The following ZYG11B variants were observed in gnomAD, a reference collection of about 807,000 sequenced individuals.
ZYG11B encodes protein zyg-11 homolog B.
ZYG11B carries 36 observed loss-of-function variants against 82.4 expected under a neutral mutation model. The observed-to-expected ratio is 0.44, with a 90% CI of 0.33 to 0.58. The LOEUF (loss-of-function observed/expected upper bound fraction) is 0.58, where lower values mean the gene tolerates loss of function less well. ZYG11B is among the 20% of genes least tolerant of loss of function. ZYG11B has a pLI of 0.02. For synonymous variants in ZYG11B, 303 were observed against 312.8 expected, an observed-to-expected ratio of 0.97 and a Z score of 0.33; for missense variants, 552 against 895.6, an observed-to-expected ratio of 0.62 and a Z score of 4.90.
At chr1:52,757,247 A>C (rs1644586314) in intron 2 of ZYG11B, among the ~76,000 whole-genome samples, 2 of 151,996 alleles carry the variant, frequency 1.3e-5, no homozygotes, top group South Asian at 4.1e-4. Flanking sequence ...TCCTTTCCTC[A>C]AGCAATCTTC....
chr1:52,750,485 T>C (rs1435804075), intron 1 of ZYG11B, among the ~76,000 whole-genome samples: 1 of 151,940 alleles, frequency 6.6e-6, no homozygotes, highest in Non-Finnish European at 1.5e-5. Context: ...GTTGGTCAGG[T>C]TGATCTTGAA....
At position 52,784,920 on chromosome 1, in the gene ZYG11B, T is replaced by C; in HGVS notation, c.1136T>C (p.Val379Ala). The C allele has an allele frequency of 6.2e-7, 1 of 1,614,076 alleles. No homozygotes were observed. Among genetic ancestry groups the C allele is most frequent in the Non-Finnish European group, 8.5e-7 (1 of 1,180,002 alleles). ...GMRNHPMNLP[V>A]QLAASACVFN... ...AGAAACCACCCTATGAATTTGCCAGTGCAACTGGCTGCAAGCGCCTGTGTA... is the reference window on the plus strand; with the variant it reads ...AGAAACCACCCTATGAATTTGCCAGCGCAACTGGCTGCAAGCGCCTGTGTA... The change falls in exon 5 of 14, where the codon GTG becomes GCG. Residue 379 changes from valine (V) to alanine (A), a missense_variant. Physicochemically the swap from Val to Ala is moderately conservative, Grantham distance 64. Coordinates refer to ENST00000294353, the MANE Select transcript of ZYG11B (RefSeq NM_024646.3).
intron 2 of ZYG11B, among the ~76,000 whole-genome samples, chr1:52,762,139 C>A (rs1644637336): frequency 6.6e-6 from 1 of 151,450 alleles, no homozygotes; most frequent in African/African-American, 2.4e-5. Flanking sequence ...TTGATTGTTT[C>A]CTTTGCTGTG....
intron 3 of ZYG11B, chr1:52,772,747 G>A (rs1644766071): frequency 4.8e-6 from 3 of 621,328 alleles, no homozygotes; most frequent in Non-Finnish European, 8.7e-6. Context: ...GCGCTATCTT[G>A]GCTCACTGCA....
At chr1:52,743,536 A>G (rs1644451960) in intron 1 of ZYG11B, among the ~76,000 whole-genome samples, 1 of 152,068 alleles carries the variant, frequency 6.6e-6, no homozygotes, top group South Asian at 2.1e-4. Context: ...ACATAGCAAG[A>G]CCTTGTCTTT....
chr1:52,772,129 T>G (rs1644757869), intron 3 of ZYG11B: 2 of 1,056,204 alleles, frequency 1.9e-6, no homozygotes, highest in East Asian at 2.4e-5. Context: ...ATATGGTTTT[T>G]TTGTTTTTGT....
In ZYG11B at chr1:52,816,630, G is replaced by GT. The variant is rs1558144835; in HGVS notation, c.2044+2dup. ...ATGCAACATGTCTGCAGCAAGAATC[G>GT]TATGTACCAAAAAAAAAGAACTGTG... On this transcript the variant is annotated splice_donor_variant, in intron 13 of 13. Transcript: ENST00000294353. LOFTEE classifies it high-confidence loss of function. 1 of 1,588,002 alleles carries GT rather than the reference G, an allele frequency of 6.3e-7. No homozygotes were observed. The highest frequency in any genetic ancestry group is 1.4e-5 in the African/African-American group (1 of 73,448).
At chr1:52,819,786 A>G (rs1167196743) in intron 13 of ZYG11B, among the ~76,000 whole-genome samples, 11 of 143,600 alleles carry the variant, frequency 7.7e-5, no homozygotes, top group Admixed American at 4.2e-4. Flanking sequence ...ACTCTGTCTG[A>G]AAAAAAAATA....
At chr1:52,777,799 G>T (rs1644821961) in intron 3 of ZYG11B, among the ~76,000 whole-genome samples, 1 of 151,982 alleles carries the variant, frequency 6.6e-6, no homozygotes, top group Non-Finnish European at 1.5e-5. Flanking sequence ...TAAAATATTT[G>T]ATTACTTTTG....
intron 13 of ZYG11B, among the ~76,000 whole-genome samples, chr1:52,820,664 G>A (rs986535659): frequency 1.4e-5 from 2 of 140,880 alleles, no homozygotes; most frequent in African/African-American, 5.4e-5. Context: ...TCACACCACT[G>A]GGCATGAGCC....
intron 1 of ZYG11B, among the ~76,000 whole-genome samples, chr1:52,734,692 C>G (rs904153275): frequency 1.3e-5 from 2 of 151,460 alleles, no homozygotes; most frequent in African/African-American, 4.9e-5. Flanking sequence ...GTTCAAGAAC[C>G]ACAAAATTGT....
chr1:52,751,649 C>A (rs1427766493), intron 1 of ZYG11B, among the ~76,000 whole-genome samples: 3 of 151,726 alleles, frequency 2.0e-5, no homozygotes, highest in Non-Finnish European at 4.4e-5. Context: ...ACACAAAAAA[C>A]CCCCCAAAAT....
At chr1:52,743,586 CA>C (rs1196931689) in intron 1 of ZYG11B, among the ~76,000 whole-genome samples, 2 of 151,900 alleles carry the variant, frequency 1.3e-5, no homozygotes, top group Non-Finnish European at 2.9e-5. Flanking sequence ...CTTTGGTGCA[CA>C]CCTGTAGTCC....
At chr1:52,769,783 C>T (rs530453613) in intron 2 of ZYG11B, among the ~76,000 whole-genome samples, 5 of 152,270 alleles carry the variant, frequency 3.3e-5, no homozygotes, top group African/African-American at 9.6e-5. Context: ...GCTAAGATGC[C>T]GCCTTAGAGT....
At chr1:52,796,904 A>ATATATAT (rs1210631722) in intron 8 of ZYG11B, 120 bp downstream of exon 8, 4 of 105,982 alleles carry the variant, frequency 3.8e-5, no homozygotes, top group African/African-American at 2.1e-4. Context: ...ATATAATTAT[A>ATATATAT]TATATATTAT....
At chr1:52,797,978 T>C (rs972076451) in intron 8 of ZYG11B, among the ~76,000 whole-genome samples, 44 of 150,346 alleles carry the variant, frequency 2.9e-4, no homozygotes, top group African/African-American at 9.5e-4. Context: ...AAAAAAAAAA[T>C]TGGACATTGT....
chr1:52,744,672 C>A (rs1157526572), intron 1 of ZYG11B, among the ~76,000 whole-genome samples: 1 of 152,174 alleles, frequency 6.6e-6, no homozygotes, highest in African/African-American at 2.4e-5. Flanking sequence ...GAAACCCCGT[C>A]TCTACTAAAA....
intron 10 of ZYG11B, 60 bp downstream of exon 10, chr1:52,802,199 C>A (rs1014602368): frequency 6.5e-7 from 1 of 1,543,306 alleles, no homozygotes; most frequent in Non-Finnish European, 8.8e-7. Context: ...TCTGAAGTAA[C>A]ACATTGAAAG....
intron 12 of ZYG11B, among the ~76,000 whole-genome samples, chr1:52,814,618 T>TC (rs1645208653): frequency 6.6e-6 from 1 of 152,092 alleles, no homozygotes; most frequent in South Asian, 2.1e-4. Context: ...GAGGATCACT[T>TC]GAGCCCAGGA....
Sources: gnomAD v4.1 joint callset for allele counts (sites outside exome capture counted in the v4.1 genomes callset) on GRCh38, gnomAD v4.1.1 for gene constraint, MANE v1.5 for transcripts, NCBI Gene and HGNC (gene_info 2026-07-23, HGNC 2026-07-21) for gene names.